CSMD1: variants seen among roughly 807,000 people sequenced by gnomAD.
CSMD1 encodes CUB and sushi domain-containing protein 1.
Under a neutral mutation model 417.5 loss-of-function variants are expected in CSMD1, and 213 were observed. The ratio of observed to expected loss-of-function variants is 0.51; its 90% CI spans 0.46 to 0.57. CSMD1 has a LOEUF of 0.57. CSMD1 is among the 20% of genes least tolerant of loss of function. CSMD1 has a pLI of 0.00. For synonymous variants in CSMD1, 2,862 were observed against 1,736.8 expected, an observed-to-expected ratio of 1.65 and a Z score of -16.11; for missense variants, 6,923 against 4,529.7, an observed-to-expected ratio of 1.53 and a Z score of -15.17.
In CSMD1 at chr8:4,645,733, T is replaced by C. The variant is rs367641662; in HGVS notation, c.86-8175A>G. ...AATATTTAGCTAGAGGGCCTCCTAA[T>C]TGCAAGAGAATTTTACGTGAAAGAT... On this transcript the variant is annotated intron_variant, in intron 1 of 69. Coordinates refer to ENST00000635120, the MANE Select transcript of CSMD1 (RefSeq NM_033225.6). 4.6e-5 allele frequency among the ~76,000 whole-genome samples: 7 copies of C among 152,140 alleles called. No individual in the cohort carries two copies. In the East Asian group the frequency reaches 7.7e-4, roughly 17 times the overall value.
chr8:3,912,328 C>T (rs2954624), intron 5 of CSMD1, among the ~76,000 whole-genome samples: 38,950 of 152,058 alleles, frequency 0.26, 5,723 homozygotes, highest in African/African-American at 0.4. Flanking sequence ...ACGTACTAAT[C>T]AATCTGGTTT....
chr8:3,311,008 G>C (rs79072565), intron 23 of CSMD1, among the ~76,000 whole-genome samples: 3,052 of 152,266 alleles, frequency 0.02, 40 homozygotes, highest in East Asian at 0.036. Flanking sequence ...GCCTACACAG[G>C]CTGCTCAACT....
chr8:2,984,276 A>C (rs909568137), intron 54 of CSMD1, among the ~76,000 whole-genome samples: 2 of 152,152 alleles, frequency 1.3e-5, no homozygotes, highest in Non-Finnish European at 2.9e-5. Context: ...GAGCAAACGC[A>C]CAGGAGGGAG....
intron 5 of CSMD1, among the ~76,000 whole-genome samples, chr8:3,948,984 T>C (rs890143491): frequency 7.0e-4 from 106 of 152,248 alleles, no homozygotes; most frequent in African/African-American, 2.3e-3. Context: ...GGGTAAGAAG[T>C]TGTGTATATA....
chr8:4,728,055 A>G (rs964256554), intron 1 of CSMD1, among the ~76,000 whole-genome samples: 5 of 146,798 alleles, frequency 3.4e-5, no homozygotes, highest in Non-Finnish European at 1.5e-5. Context: ...TGTTATATAT[A>G]GAGAGATGTA....
intron 1 of CSMD1, among the ~76,000 whole-genome samples, chr8:4,833,160 T>C (rs1800252696): frequency 6.6e-6 from 1 of 152,192 alleles, no homozygotes; most frequent in Non-Finnish European, 1.5e-5. Context: ...TATTAGTCCA[T>C]TCTCACACTG....
rs111373374 is a variant in CSMD1, at chr8:4,012,496, G to A, written c.611-14386C>T. Among the ~76,000 whole-genome samples, 510 of 152,092 alleles carry A rather than the reference G, an allele frequency of 3.4e-3. 3 individuals are homozygous for A. Among genetic ancestry groups the A allele is most frequent in the African/African-American group, 0.011 (465 of 41,440 alleles). The stretch of plus-strand genomic sequence containing the variant: ...GTTACTTGCATAAATCTTGTGTTTC[G>A]AGGTGTGGTGTATGCATGATCCCTA... On this transcript the variant is annotated intron_variant, in intron 4 of 69. Transcript: ENST00000635120.
chr8:4,884,767 G>GTGC (rs1803630824), intron 1 of CSMD1, among the ~76,000 whole-genome samples: 1 of 151,900 alleles, frequency 6.6e-6, no homozygotes, highest in South Asian at 2.1e-4. Flanking sequence ...GTCTTATTGC[G>GTGC]GTAGCTTTGG....
chr8:3,175,579 TC>T (rs1820885763), intron 37 of CSMD1, among the ~76,000 whole-genome samples: 1 of 147,742 alleles, frequency 6.8e-6, no homozygotes, highest in Non-Finnish European at 1.5e-5. Flanking sequence ...CTTCCTTCCT[TC>T]CTTTTTGTCC....
intron 10 of CSMD1, among the ~76,000 whole-genome samples, chr8:3,562,467 G>GCA (rs1290228907): frequency 1.9e-5 from 2 of 102,848 alleles, no homozygotes; most frequent in African/African-American, 7.3e-5. Flanking sequence ...GCATATATAT[G>GCA]CACACACACA....
intron 3 of CSMD1, among the ~76,000 whole-genome samples, chr8:4,361,741 GT>G (rs1366828419): frequency 2.6e-5 from 4 of 151,642 alleles, no homozygotes; most frequent in Non-Finnish European, 5.9e-5. Context: ...GGATCACGAG[GT>G]CAGGAGATCG....
chr8:3,681,445 T>G (rs1414343870), intron 7 of CSMD1, among the ~76,000 whole-genome samples: 2 of 152,050 alleles, frequency 1.3e-5, no homozygotes, highest in African/African-American at 4.8e-5. Flanking sequence ...GACAATTGTT[T>G]CAAAGAGAAT....
intron 2 of CSMD1, among the ~76,000 whole-genome samples, chr8:4,490,789 T>C (rs1192992523): frequency 2.6e-5 from 4 of 152,212 alleles, no homozygotes; most frequent in African/African-American, 4.8e-5. Flanking sequence ...GGCATATTAA[T>C]TCAGTTCTAG....
intron 3 of CSMD1, among the ~76,000 whole-genome samples, chr8:4,384,810 A>C (rs1052671493): frequency 1.4e-4 from 22 of 152,162 alleles, no homozygotes; most frequent in Non-Finnish European, 2.8e-4. Flanking sequence ...ACAGAACATC[A>C]AAATTATGCT....
Position 3,991,035 on chromosome 8 carries a change from A to C in CSMD1, c.818+6868T>G, listed in dbSNP as rs150876965. ...CTCTAAAACACAGCCTGCCTGCTTC[A>C]CTCCACTTGTGGGGCTGCAGCATCT... is the stretch of plus-strand genomic sequence containing the variant. On this transcript the variant is annotated intron_variant, in intron 5 of 69. Transcript: ENST00000635120. Among the ~76,000 whole-genome samples, 683 of 152,042 alleles carry C rather than the reference A, an allele frequency of 4.5e-3. 3 individuals carry two copies. Among genetic ancestry groups the C allele is most frequent in the Non-Finnish European group, 8.0e-3 (547 of 67,964 alleles).
intron 65 of CSMD1, 92 bp from the exon 66 acceptor site, chr8:2,951,367 C>T (rs951213957): frequency 1.1e-5 from 15 of 1,306,472 alleles, no homozygotes; most frequent in Middle Eastern, 1.9e-4. Context: ...TACTGCTTAG[C>T]GAGCGATCAC....
intron 59 of CSMD1, 60 bp downstream of exon 59, chr8:2,965,715 G>C: frequency 6.9e-7 from 1 of 1,453,604 alleles, no homozygotes; most frequent in South Asian, 1.3e-5. Context: ...ATTAAACAAA[G>C]CATAATTCAA....
chr8:3,708,219 G>C (rs1335353778), intron 7 of CSMD1, among the ~76,000 whole-genome samples, 195 bp downstream of exon 7: 1 of 152,140 alleles, frequency 6.6e-6, no homozygotes, highest in Non-Finnish European at 1.5e-5. Flanking sequence ...TTAGGAGTTA[G>C]AACCACCACG....
intron 48 of CSMD1, among the ~76,000 whole-genome samples, chr8:3,089,752 T>TTC (rs61677108): frequency 0.61 from 92,869 of 151,134 alleles, 28,549 homozygotes; most frequent in East Asian, 0.68. Context: ...CTGCCTCTCT[T>TTC]TCTCTCTCTC....
Sources: gnomAD v4.1 joint callset for allele counts (sites outside exome capture counted in the v4.1 genomes callset) on GRCh38, gnomAD v4.1.1 for gene constraint, MANE v1.5 for transcripts, NCBI Gene and HGNC (gene_info 2026-07-23, HGNC 2026-07-21) for gene names.